NKAIN1: variants seen among roughly 807,000 people sequenced by gnomAD.
NKAIN1 encodes the protein sodium/potassium-transporting ATPase subunit beta-1-interacting protein 1.
NKAIN1 carries 13 observed loss-of-function variants against 31.6 expected under a neutral mutation model. The ratio of observed to expected loss-of-function variants is 0.41; its 90% CI spans 0.27 to 0.65. The LOEUF is 0.65. Ranked by LOEUF, NKAIN1 falls within the 30% of genes least tolerant of loss-of-function variation. The pLI is 0.30. For missense variants in NKAIN1, 193 were observed against 262.2 expected (o/e 0.74, Z 1.82); for synonymous variants, 104 against 109.0 (o/e 0.95, Z 0.28).
At chr1:31,203,860 C>T (rs1645403612) in intron 1 of NKAIN1, among the ~76,000 whole-genome samples, 1 of 152,162 alleles carries the variant, frequency 6.6e-6, no homozygotes, top group Non-Finnish European at 1.5e-5. Context: ...GCTGGGATTA[C>T]AGGCGTGAGC....
At chr1:31,231,671 C>T (rs1645649613) in intron 1 of NKAIN1, among the ~76,000 whole-genome samples, 1 of 148,156 alleles carries the variant, frequency 6.7e-6, no homozygotes, top group East Asian at 2.0e-4. Context: ...GCTGGAACTA[C>T]AGGCGCCCGC....
At chr1:31,225,558 C>T (rs1645597647) in intron 1 of NKAIN1, among the ~76,000 whole-genome samples, 1 of 151,878 alleles carries the variant, frequency 6.6e-6, no homozygotes, top group Admixed American at 6.6e-5. Context: ...GAACTCCTGG[C>T]CTCAAGTGAT....
chr1:31,223,436 T>C (rs377123636), intron 1 of NKAIN1, among the ~76,000 whole-genome samples: 1 of 151,662 alleles, frequency 6.6e-6, no homozygotes. Flanking sequence ...CTGGTACTGT[T>C]TGTTTTGTTT....
intron 1 of NKAIN1, among the ~76,000 whole-genome samples, chr1:31,227,014 G>C (rs1048888553): frequency 3.9e-5 from 6 of 151,990 alleles, no homozygotes; most frequent in African/African-American, 1.5e-4. Context: ...TAGTAGAGAC[G>C]GGATTTCACC....
intron 2 of NKAIN1, 124 bp downstream of exon 2, chr1:31,187,926 T>G: frequency 9.7e-7 from 1 of 1,031,014 alleles, no homozygotes; most frequent in Non-Finnish European, 1.4e-6. Flanking sequence ...CATCTTGTTT[T>G]GGGTGGAGCC....
chr1:31,197,603 G>A (rs1456011821), intron 1 of NKAIN1, among the ~76,000 whole-genome samples: 18 of 144,590 alleles, frequency 1.2e-4, no homozygotes, highest in Admixed American at 9.3e-4. Flanking sequence ...TTGGAGTGCA[G>A]TGGCGCGATC....
intron 1 of NKAIN1, among the ~76,000 whole-genome samples, chr1:31,220,754 CAA>C (rs772908877): frequency 8.5e-5 from 5 of 58,906 alleles, no homozygotes; most frequent in Non-Finnish European, 1.3e-4. Flanking sequence ...ACTCCATCTC[CAA>C]AAAAAAAAAA....
Position 31,182,499 on chromosome 1 carries a change from T to C in NKAIN1, c.532+31A>G, listed in dbSNP as rs1024161018. On this transcript the variant is annotated intron_variant, in intron 5 of 6. Transcript: ENST00000373736. The stretch of plus-strand genomic sequence containing the variant: ...AGGGTGCTGAAGGCGCAGGGCCAGA[T>C]TCCCCACTTCCCCAGGGGCGCCTTA... 4.3e-6 allele frequency: 7 copies of C among 1,612,978 alleles called. No individual in the cohort carries two copies. In the African/African-American group the frequency reaches 9.3e-5, roughly 22 times the overall value.
chr1:31,184,607 G>A (rs1345097741), intron 3 of NKAIN1, among the ~76,000 whole-genome samples: 6 of 152,092 alleles, frequency 3.9e-5, no homozygotes, highest in Non-Finnish European at 7.4e-5. Context: ...GCTCAGAGAG[G>A]ATCAGCCACT....
At chr1:31,207,784 G>C (rs1026243565) in intron 1 of NKAIN1, among the ~76,000 whole-genome samples, 2 of 152,076 alleles carry the variant, frequency 1.3e-5, no homozygotes, top group African/African-American at 4.8e-5. Flanking sequence ...CCACCCTCTG[G>C]GGACTTGCAC....
At chr1:31,201,928 C>A (rs1557654561) in intron 1 of NKAIN1, among the ~76,000 whole-genome samples, 1 of 152,196 alleles carries the variant, frequency 6.6e-6, no homozygotes, top group African/African-American at 2.4e-5. Context: ...GGTCCTGGAC[C>A]CCCAATCCCC....
chr1:31,206,375 G>A (rs1002406872), intron 1 of NKAIN1, among the ~76,000 whole-genome samples: 3 of 151,478 alleles, frequency 2.0e-5, no homozygotes, highest in Non-Finnish European at 4.4e-5. Flanking sequence ...AACCATGAAA[G>A]CAAGTTATAT....
intron 2 of NKAIN1, among the ~76,000 whole-genome samples, chr1:31,186,362 CAAA>C (rs543332474): frequency 2.8e-5 from 2 of 72,552 alleles, no homozygotes; most frequent in Admixed American, 1.5e-4. Flanking sequence ...AACTCCGTCT[CAAA>C]AAAAAAAAAA....
chr1:31,209,633 T>C (rs1217120641), intron 1 of NKAIN1, among the ~76,000 whole-genome samples: 15 of 151,690 alleles, frequency 9.9e-5, no homozygotes, highest in Non-Finnish European at 1.9e-4. Context: ...CTGGGCAACA[T>C]AGTAAGACCC....
chr1:31,209,186 C>T (rs1239025912), intron 1 of NKAIN1, among the ~76,000 whole-genome samples: 2 of 152,146 alleles, frequency 1.3e-5, no homozygotes, highest in African/African-American at 4.8e-5. Flanking sequence ...ACCAGCCTGA[C>T]CAACACGGTG....
Position 31,191,405 on chromosome 1 carries a change from T to G in NKAIN1, c.55-3218A>C, listed in dbSNP as rs554923392. ...TTGATAGAAAACAGAGAGAGGTTTT[T>G]TTTTTTTTTTTTTTTTAAAGCAGTA... is the stretch of plus-strand genomic sequence containing the variant. On this transcript the variant is annotated intron_variant, in intron 1 of 6. Coordinates refer to ENST00000373736, the MANE Select transcript of NKAIN1 (RefSeq NM_024522.3). Among the ~76,000 whole-genome samples, 746 of 150,656 alleles carry G rather than the reference T, an allele frequency of 5.0e-3. 8 individuals are homozygous for G. Among genetic ancestry groups the G allele is most frequent in the African/African-American group, 0.017 (709 of 41,272 alleles).
intron 1 of NKAIN1, among the ~76,000 whole-genome samples, chr1:31,218,069 T>TTTCTCTCTCTCTCTCTCTCTCTCTCTCTC (rs771318505): frequency 7.2e-6 from 1 of 138,108 alleles, no homozygotes; most frequent in African/African-American, 2.8e-5. Flanking sequence ...TCTTTCTTTC[T>TTTCTCTCTCTCTCTCTCTCTCTCTCTCTC]TTTTTTTTTT....
At chr1:31,192,115 T>C (rs1419274907) in intron 1 of NKAIN1, among the ~76,000 whole-genome samples, 1 of 152,122 alleles carries the variant, frequency 6.6e-6, no homozygotes, top group Non-Finnish European at 1.5e-5. Context: ...GTTTTCACAG[T>C]GTAGCTCAGT....
intron 3 of NKAIN1, among the ~76,000 whole-genome samples, chr1:31,185,007 G>A (rs1156817712): frequency 6.6e-6 from 1 of 152,146 alleles, no homozygotes; most frequent in African/African-American, 2.4e-5. Context: ...TGATCAACTG[G>A]GACCCCTGGC....
Sources: allele counts gnomAD v4.1 joint callset (sites outside exome capture counted in the v4.1 genomes callset), GRCh38; gene constraint gnomAD v4.1.1; transcripts MANE v1.5; gene names NCBI Gene and HGNC (gene_info 2026-07-23, HGNC 2026-07-21).